Variants in SPATA6 observed in about 807,000 individuals in gnomAD.
SPATA6 encodes the protein spermatogenesis associated 6.
In SPATA6, 56 loss-of-function variants were observed where a neutral mutation model predicts 65.3. That is an observed-to-expected ratio of 0.86 (90% CI 0.69 to 1.07). SPATA6 has a LOEUF of 1.07. SPATA6 is among the 50% of genes least tolerant of loss of function. The probability of loss-of-function intolerance (pLI) is 0.00; values close to 1 mark genes in which losing one functional copy is unlikely to be tolerated. For synonymous variants in SPATA6, 199 were observed against 213.2 expected, an observed-to-expected ratio of 0.93 and a Z score of 0.58; for missense variants, 590 against 594.8, an observed-to-expected ratio of 0.99 and a Z score of 0.08.
At chr1:48,316,870 A>G (rs1645442392) in intron 11 of SPATA6, among the ~76,000 whole-genome samples, 1 of 152,250 alleles carries the variant, frequency 6.6e-6, no homozygotes, top group Non-Finnish European at 1.5e-5. Flanking sequence ...TGTGCAAAGG[A>G]TATGAACAGA....
the SPATA6 span, among the ~76,000 whole-genome samples, chr1:48,281,647 AAGG>A: frequency 6.6e-6 from 1 of 151,618 alleles, no homozygotes; most frequent in Non-Finnish European, 1.5e-5. Context: ...GGACCTCTTC[AAGG>A]AGAACTACAA....
intron 11 of SPATA6, among the ~76,000 whole-genome samples, chr1:48,320,394 C>T (rs1243057315): frequency 1.3e-5 from 2 of 152,170 alleles, no homozygotes; most frequent in Admixed American, 6.5e-5. Flanking sequence ...CACAAATGAA[C>T]TCCAAAACAT....
intron 3 of SPATA6, among the ~76,000 whole-genome samples, chr1:48,438,885 T>TG (rs938696371): frequency 2.6e-5 from 4 of 151,912 alleles, no homozygotes; most frequent in African/African-American, 7.3e-5. Context: ...CCCCATCAGG[T>TG]GGGGGGGACT....
At chr1:48,436,711 T>C in intron 3 of SPATA6, 1 of 1,614,186 alleles carries the variant, frequency 6.2e-7, no homozygotes, top group Admixed American at 1.7e-5. Flanking sequence ...TAATGTGAAG[T>C]CAGATATTTA....
At chr1:48,436,252 T>G in intron 3 of SPATA6, 1 of 1,613,768 alleles carries the variant, frequency 6.2e-7, no homozygotes, top group Non-Finnish European at 8.5e-7. Context: ...TCTGGAAAAC[T>G]GCAATGAAGA....
the SPATA6 span, among the ~76,000 whole-genome samples, chr1:48,268,138 G>T: frequency 1.3e-5 from 2 of 152,038 alleles, no homozygotes; most frequent in Non-Finnish European, 2.9e-5. Flanking sequence ...GCAAAAACAG[G>T]AGTGCCTGTC....
chr1:48,455,052 T>C (rs1656896528), intron 1 of SPATA6, among the ~76,000 whole-genome samples: 1 of 152,180 alleles, frequency 6.6e-6, no homozygotes, highest in East Asian at 1.9e-4. Context: ...TATTCCCAAT[T>C]GATCATTAAA....
intron 3 of SPATA6, chr1:48,436,048 C>T (rs1398720431): frequency 6.2e-7 from 1 of 1,609,188 alleles, no homozygotes; most frequent in Non-Finnish European, 8.5e-7. Context: ...AACCAGTATC[C>T]ATCAATACTT....
chr1:48,314,225 C>T (rs1374017277), intron 11 of SPATA6, among the ~76,000 whole-genome samples: 1 of 152,232 alleles, frequency 6.6e-6, no homozygotes, highest in Non-Finnish European at 1.5e-5. Context: ...CACCCCGAAT[C>T]AACAGAATAT....
intron 1 of SPATA6, among the ~76,000 whole-genome samples, chr1:48,455,582 G>A (rs748878523): frequency 3.4e-4 from 51 of 152,036 alleles, no homozygotes; most frequent in Middle Eastern, 3.2e-3. Flanking sequence ...GGGTTTCACC[G>A]TGTTAGCCAG....
At chr1:48,371,954 T>C (rs967811306) in intron 9 of SPATA6, among the ~76,000 whole-genome samples, 1 of 152,086 alleles carries the variant, frequency 6.6e-6, no homozygotes, top group Admixed American at 6.5e-5. Flanking sequence ...CAGGCCCCCA[T>C]GATTCAATTT....
chr1:48,299,095 A>C (rs1422022758), intron 12 of SPATA6, among the ~76,000 whole-genome samples: 1 of 152,172 alleles, frequency 6.6e-6, no homozygotes, highest in Non-Finnish European at 1.5e-5. Context: ...AAACTGTTAT[A>C]AAACAGTAAA....
At chr1:48,426,806 T>C (rs182482559) in intron 3 of SPATA6, among the ~76,000 whole-genome samples, 31 of 151,918 alleles carry the variant, frequency 2.0e-4, no homozygotes, top group Admixed American at 9.8e-4. Context: ...TTATAATCTA[T>C]TGAAAAATTA....
chr1:48,294,877 T>C (rs1456948555), downstream of SPATA6, among the ~76,000 whole-genome samples: 3 of 152,318 alleles, frequency 2.0e-5, no homozygotes, highest in Admixed American at 6.5e-5. Context: ...TGATCAATCA[T>C]GCTCCCTCCC....
intron 11 of SPATA6, among the ~76,000 whole-genome samples, chr1:48,308,991 T>G (rs1570025247): frequency 6.6e-6 from 1 of 152,110 alleles, no homozygotes; most frequent in East Asian, 1.9e-4. Context: ...GCTCAAGTGA[T>G]TCTCCCATTT....
intron 11 of SPATA6, among the ~76,000 whole-genome samples, chr1:48,330,636 C>A (rs575552510): frequency 6.6e-6 from 1 of 152,366 alleles, no homozygotes; most frequent in East Asian, 1.9e-4. Flanking sequence ...GCTTTCCAGC[C>A]AAGTGGCCCT....
intron 9 of SPATA6, among the ~76,000 whole-genome samples, chr1:48,363,404 C>T (rs1646879004): frequency 2.0e-5 from 3 of 151,996 alleles, no homozygotes; most frequent in Non-Finnish European, 4.4e-5. Flanking sequence ...AGTTCAAATC[C>T]CTGCTGTTTA....
intron 11 of SPATA6, among the ~76,000 whole-genome samples, chr1:48,334,065 C>T (rs146482029): frequency 8.5e-5 from 13 of 152,178 alleles, no homozygotes; most frequent in African/African-American, 2.9e-4. Context: ...ATACATCCTT[C>T]CAAGACTAAA....
At chr1:48,360,547 TAGG>T (rs35089387) in intron 9 of SPATA6, among the ~76,000 whole-genome samples, 26,512 of 151,452 alleles carry the variant, frequency 0.18, 2,871 homozygotes, top group Middle Eastern at 0.29. Context: ...ATCTTGGGAG[TAGG>T]AGGAGGACAT....
Sources: allele counts gnomAD v4.1 joint callset (sites outside exome capture counted in the v4.1 genomes callset), GRCh38; gene constraint gnomAD v4.1.1; transcripts MANE v1.5; gene names NCBI Gene and HGNC (gene_info 2026-07-23, HGNC 2026-07-21).